BNIP2: variants seen among roughly 807,000 people sequenced by gnomAD.
BNIP2 encodes BCL2 interacting protein 2.
In BNIP2, 36 loss-of-function variants were observed where a neutral mutation model predicts 43.4. The ratio of observed to expected loss-of-function variants is 0.83; its 90% CI spans 0.64 to 1.10. The LOEUF is 1.10. Among genes scored for constraint, BNIP2 ranks in the 50% least tolerant of loss-of-function variants. BNIP2 has a pLI of 0.00. For synonymous variants in BNIP2, 146 were observed against 121.0 expected (o/e 1.21, Z -1.35); for missense variants, 417 against 374.1 (o/e 1.11, Z -0.95).
chr15:59,669,152 A>T (rs1206436457), intron 8 of BNIP2, 124 bp downstream of exon 8: 25 of 1,004,042 alleles, frequency 2.5e-5, no homozygotes, highest in Non-Finnish European at 3.7e-5. Flanking sequence ...TTTGATCATT[A>T]TACAATGTAT....
At chr15:59,681,101 G>A (rs1040797506) in intron 2 of BNIP2, among the ~76,000 whole-genome samples, 2 of 152,052 alleles carry the variant, frequency 1.3e-5, no homozygotes, top group Admixed American at 6.6e-5. Context: ...TTTTACTCAC[G>A]AGACTACAGT....
In BNIP2 at chr15:59,688,821, G is replaced by A. The variant is rs1227160182; in HGVS notation, c.-58+314C>T. ...AGCCCAGCCACTTCACCCACACCAG[G>A]GTAAAAGGGTGGGGGAGCGGAGGAG... On this transcript the variant is annotated intron_variant, in intron 1 of 9. Coordinates refer to ENST00000607373, the MANE Select transcript of BNIP2 (RefSeq NM_004330.4). The A allele has an allele frequency of 2.6e-6, 4 of 1,532,442 alleles. No homozygotes were observed. In the African/African-American group the frequency reaches 5.5e-5, roughly 21 times the overall value. The allele number at this position is 1,532,442 out of a possible 1,614,324, so 94.9% of individuals were successfully genotyped here.
intron 6 of BNIP2, among the ~76,000 whole-genome samples, chr15:59,671,810 C>T (rs1595693204): frequency 6.6e-6 from 1 of 152,270 alleles, no homozygotes; most frequent in Admixed American, 6.5e-5. Flanking sequence ...AATGTGCCTG[C>T]AAATGTTAAC....
At chr15:59,668,832 A>G in intron 9 of BNIP2, 60 bp downstream of exon 9, 2 of 1,366,342 alleles carry the variant, frequency 1.5e-6, no homozygotes, top group Non-Finnish European at 2.1e-6. Flanking sequence ...GAAAAGTATT[A>G]TCCATTGCAC....
rs757186206 is a variant in BNIP2, at chr15:59,672,672, C to G, written c.540G>C (p.Gln180His). 1.9e-6 allele frequency: 3 copies of G among 1,613,604 alleles called. No homozygotes were observed. Among genetic ancestry groups the G allele is most frequent in the Non-Finnish European group, 1.7e-6 (2 of 1,179,708 alleles). Residue 180 changes from glutamine to histidine, a missense_variant, in exon 6 of 10, where the codon CAG becomes CAC. Coordinates refer to ENST00000607373, the MANE Select transcript of BNIP2 (RefSeq NM_004330.4). ...FAVCFMPESS[Q>H]PNYRYLMDNL... ...TGTCCATCAGGTATCTATAGTTAGG[C>G]TGACTACTTTCAGGCATGAAACAGA... is the stretch of plus-strand genomic sequence containing the variant.
chr15:59,664,213 G>T, intron 9 of BNIP2, 93 bp from the exon 10 acceptor site: 3 of 751,422 alleles, frequency 4.0e-6, no homozygotes, highest in Non-Finnish European at 6.0e-6. Context: ...ATATTACTCT[G>T]TTAAAGACAA....
intron 2 of BNIP2, among the ~76,000 whole-genome samples, chr15:59,681,757 A>C (rs1387299601): frequency 3.3e-5 from 5 of 152,122 alleles, no homozygotes; most frequent in African/African-American, 1.2e-4. Flanking sequence ...ACAAAATTAA[A>C]GAAACATTTT....
chr15:59,672,712 A>G lies in BNIP2; in HGVS notation c.500T>C (p.Ile167Thr), dbSNP rs1388973691. 1 of 1,613,854 alleles carries G rather than the reference A, an allele frequency of 6.2e-7. No individual in the cohort carries two copies. The highest frequency in any genetic ancestry group is 8.5e-7 in the Non-Finnish European group (1 of 1,179,790). ...CATGAAACAGACAGCAAACACAACA[A>G]TGGCATTTAATCCATCCCCATAATA... ...GGYYGDGLNA[I>T]VVFAVCFMPE... Residue 167 changes from isoleucine to threonine, a missense_variant, in exon 6 of 10, where the codon ATT becomes ACT. Coordinates refer to ENST00000607373, the MANE Select transcript of BNIP2 (RefSeq NM_004330.4).
chr15:59,681,449 A>AT (rs34488048), intron 2 of BNIP2, among the ~76,000 whole-genome samples: 338 of 136,746 alleles, frequency 2.5e-3, no homozygotes, highest in Middle Eastern at 7.3e-3. Flanking sequence ...GAACCCACAA[A>AT]TTTTTTTTTT....
chr15:59,683,452 C>A (rs1893822245), intron 1 of BNIP2, among the ~76,000 whole-genome samples: 1 of 152,164 alleles, frequency 6.6e-6, no homozygotes, highest in Non-Finnish European at 1.5e-5. Context: ...CTGTTCTTTT[C>A]TTTTCTTTTT....
rs1468835444 is a variant in BNIP2 at position 59,663,808 on chromosome 15, A to G, written c.*261T>C. On this transcript the variant is annotated 3_prime_UTR_variant, in exon 10 of 10. Transcript: ENST00000607373. ...AACAAATGCAAAAACTACTTTATAT[A>G]AAGTGTGGTTCTCTATTTAGCAATA... 1 of 297,718 alleles carries G rather than the reference A, an allele frequency of 3.4e-6. No individual in the cohort carries two copies. The highest frequency in any genetic ancestry group is 2.2e-5 in the African/African-American group (1 of 46,326). The allele number at this position is 297,718 out of a possible 1,614,324, so 18.4% of individuals were successfully genotyped here.
rs1009475224 is a variant in BNIP2 at position 59,679,602 on chromosome 15, A to G, written c.285T>C (p.Phe95=). ...LDTPSENSNE[F]EWEDDLPKPK... ...CAGTGAAACATTTACCTTCCCACTC[A>G]AACTCATTACTATTCTCTGACGGTG... The change falls in exon 4 of 10, where the codon TTT becomes TTC. Residue 95 remains phenylalanine, a synonymous_variant. Coordinates refer to ENST00000607373, the MANE Select transcript of BNIP2 (RefSeq NM_004330.4). 4 of 1,612,406 alleles carry G rather than the reference A, an allele frequency of 2.5e-6. No homozygotes were observed. The highest frequency in any genetic ancestry group is 3.4e-6 in the Non-Finnish European group (4 of 1,179,280).
At chr15:59,671,371 GT>G in intron 6 of BNIP2, 57 bp from the exon 7 acceptor site, 2 of 1,464,712 alleles carry the variant, frequency 1.4e-6, no homozygotes, top group Non-Finnish European at 1.8e-6. Context: ...ACTGAACTAG[GT>G]TCTCTAAATT....
chr15:59,668,799 AT>A (rs1892721912), intron 9 of BNIP2, 92 bp downstream of exon 9: 1 of 1,153,062 alleles, frequency 8.7e-7, no homozygotes, highest in Middle Eastern at 2.0e-4. Flanking sequence ...GTTATAAAAT[AT>A]AATACATAAA....
chr15:59,680,392 T>C lies in BNIP2; in HGVS notation c.51-84A>G, dbSNP rs181580224. On this transcript the variant is annotated intron_variant, in intron 2 of 9. Coordinates refer to ENST00000607373, the MANE Select transcript of BNIP2 (RefSeq NM_004330.4). ...TTCAATCTATTAAACATACAGCTTA[T>C]AGAAATAATTATTTGGAAAATGGAA... 73 of 1,008,440 alleles carry C rather than the reference T, an allele frequency of 7.2e-5. 1 individual carries two copies. In the African/African-American group the frequency reaches 8.4e-4, roughly 12 times the overall value. The allele number at this position is 1,008,440 out of a possible 1,614,324, so 62.5% of individuals were successfully genotyped here. A position where few individuals can be genotyped will look rare whatever the true frequency, so the allele number is the denominator to read the frequency against.
At chr15:59,665,070 C>G (rs1351909589) in intron 9 of BNIP2, among the ~76,000 whole-genome samples, 1 of 151,980 alleles carries the variant, frequency 6.6e-6, no homozygotes, top group Non-Finnish European at 1.5e-5. Context: ...TCGAGACCAG[C>G]CTGGCCAACA....
At chr15:59,685,190 GT>G (rs1893932584) in intron 1 of BNIP2, among the ~76,000 whole-genome samples, 1 of 152,192 alleles carries the variant, frequency 6.6e-6, no homozygotes, top group South Asian at 2.1e-4. Context: ...AATGGAACAA[GT>G]TTGTCTCTGT....
At position 59,661,916 on chromosome 15, in the gene BNIP2, T is replaced by C. The variant is rs965751444; in HGVS notation, c.*2153A>G. 6.6e-6 allele frequency: 1 copy of C among 152,224 alleles called. No homozygotes were observed. The highest frequency in any genetic ancestry group is 1.5e-5 in the Non-Finnish European group (1 of 68,032). The allele number at this position is 152,224 out of a possible 1,614,324, so 9.4% of individuals were successfully genotyped here. On this transcript the variant is annotated 3_prime_UTR_variant, in exon 10 of 10. Transcript: ENST00000607373. ...AGGTGCAGGTTAAAGCAGGTATCCCTTTAGTTTACTGATTCACAGCACCTC... is the reference window on the plus strand; with the variant it reads ...AGGTGCAGGTTAAAGCAGGTATCCCCTTAGTTTACTGATTCACAGCACCTC...
In BNIP2 at chr15:59,663,346, T is replaced by C. The variant is rs1892376308; in HGVS notation, c.*723A>G. 6.6e-6 allele frequency: 1 copy of C among 152,332 alleles called. No homozygotes were observed. The highest frequency in any genetic ancestry group is 6.5e-5 in the Admixed American group (1 of 15,286). The allele number at this position is 152,332 out of a possible 1,614,324, so 9.4% of individuals were successfully genotyped here. A position where few individuals can be genotyped will look rare whatever the true frequency, so the allele number is the denominator to read the frequency against. The stretch of plus-strand genomic sequence containing the variant: ...TATACAAACCCTAATTCCTACCCTC[T>C]TAAATCCTCTAGTTCTAAGAATGGC... On this transcript the variant is annotated 3_prime_UTR_variant, in exon 10 of 10. Coordinates refer to ENST00000607373, the MANE Select transcript of BNIP2 (RefSeq NM_004330.4).
Sources: gnomAD v4.1 joint callset for allele counts (sites outside exome capture counted in the v4.1 genomes callset) on GRCh38, gnomAD v4.1.1 for gene constraint, MANE v1.5 for transcripts, NCBI Gene and HGNC (gene_info 2026-07-23, HGNC 2026-07-21) for gene names.